The following MATR3 variants were observed in gnomAD, a reference collection of about 807,000 sequenced individuals.
MATR3 encodes matrin-3.
A neutral mutation model predicts 85.5 loss-of-function variants in MATR3; 4 were observed. That is an observed-to-expected ratio of 0.05 (90% CI 0.02 to 0.11). The LOEUF is 0.11. MATR3 is among the 10% of genes least tolerant of loss of function. MATR3 has a pLI of 1.00. For synonymous variants in MATR3, 336 were observed against 343.1 expected (o/e 0.98, Z 0.23); for missense variants, 685 against 1,016.1 (o/e 0.67, Z 4.43).
chr5:139,323,530 C>T (rs1303493251), intron 12 of MATR3, among the ~76,000 whole-genome samples: 2 of 152,110 alleles, frequency 1.3e-5, no homozygotes, highest in African/African-American at 4.8e-5. Context: ...AAACAAAGGA[C>T]CCACATTGAG....
At chr5:139,321,246 T>C (rs906173747) in intron 9 of MATR3, among the ~76,000 whole-genome samples, 2 of 151,850 alleles carry the variant, frequency 1.3e-5, no homozygotes, top group Non-Finnish European at 2.9e-5. Context: ...GCCTCCTGGG[T>C]TCAAGCAGTT....
chr5:139,286,269 G>T (rs1005225064), intron 3 of MATR3, among the ~76,000 whole-genome samples: 2 of 152,102 alleles, frequency 1.3e-5, no homozygotes, highest in African/African-American at 2.4e-5. Context: ...CAACTCTGCT[G>T]CAGACAGCAT....
At chr5:139,325,686 C>T in intron 13 of MATR3, 24 bp downstream of exon 13, 1 of 1,575,590 alleles carries the variant, frequency 6.3e-7, no homozygotes, top group Non-Finnish European at 8.7e-7. Context: ...CTTTGTTCTT[C>T]ACCTTCCTCA....
At chr5:139,281,772 GT>G (rs1753538178) in intron 3 of MATR3, among the ~76,000 whole-genome samples, 1 of 152,166 alleles carries the variant, frequency 6.6e-6, no homozygotes, top group Non-Finnish European at 1.5e-5. Flanking sequence ...GTAAACACAA[GT>G]GCCTCTTTTC....
intron 1 of MATR3, among the ~76,000 whole-genome samples, chr5:139,299,536 A>G (rs1410104884): frequency 6.6e-6 from 1 of 152,130 alleles, no homozygotes; most frequent in Non-Finnish European, 1.5e-5. Context: ...TTAGTCGGGT[A>G]TAGTGGTGCA....
chr5:139,305,483 C>T (rs559840655), intron 1 of MATR3, among the ~76,000 whole-genome samples: 7 of 152,206 alleles, frequency 4.6e-5, no homozygotes, highest in African/African-American at 1.4e-4. Context: ...AATTAATAAC[C>T]CTGATACTTC....
chr5:139,289,672 C>T (rs1753811210), upstream of MATR3, among the ~76,000 whole-genome samples: 1 of 152,210 alleles, frequency 6.6e-6, no homozygotes, highest in Non-Finnish European at 1.5e-5. Flanking sequence ...TATGGATTAT[C>T]CCATCTCCTT....
intron 5 of MATR3, 22 bp from the exon 6 acceptor site, chr5:139,317,030 GA>G: frequency 6.2e-7 from 1 of 1,607,878 alleles, no homozygotes; most frequent in South Asian, 1.1e-5. Context: ...TTACAAGACT[GA>G]AAACTTTCTC....
Position 139,322,783 on chromosome 5 carries a change from A to T in MATR3, c.1964A>T (p.Glu655Val). 6.2e-7 allele frequency: 1 copy of T among 1,614,220 alleles called. No homozygotes were observed. The highest frequency in any genetic ancestry group is 1.1e-5 in the South Asian group (1 of 91,086). Residue 655 changes from glutamate to valine, a missense_variant, in exon 12 of 15, where the codon GAA becomes GTA. Transcript: ENST00000394805. Reference protein sequence around the residue: ...EQEPNMLLESEDELLVDEEEA... With the variant: ...EQEPNMLLESVDELLVDEEEA... ...GAACCTAATATGCTTCTTGAATCTG[A>T]AGATGAGCTACTTGTAGATGAAGAA...
At chr5:139,286,776 G>A (rs761780115) in intron 3 of MATR3, among the ~76,000 whole-genome samples, 2 of 151,600 alleles carry the variant, frequency 1.3e-5, no homozygotes, top group Non-Finnish European at 2.9e-5. Flanking sequence ...CCTGGGAGGC[G>A]GAGGTTGCAG....
At chr5:139,314,397 C>T (rs1415770727) in intron 2 of MATR3, 3 of 387,724 alleles carry the variant, frequency 7.7e-6, no homozygotes, top group African/African-American at 6.2e-5. Flanking sequence ...TACTCTTGAT[C>T]TTTATTAACT....
At chr5:139,319,095 T>C (rs1755407497) in intron 8 of MATR3, 62 bp downstream of exon 8, 2 of 1,545,600 alleles carry the variant, frequency 1.3e-6, no homozygotes, top group Non-Finnish European at 1.8e-6. Context: ...AGTTATTAAC[T>C]GTGGTTATTT....
chr5:139,329,670 C>T lies in MATR3; in HGVS notation c.*275C>T, dbSNP rs187985845. On this transcript the variant is annotated 3_prime_UTR_variant, in exon 15 of 15. Transcript: ENST00000394805. ...CCTAAGCTACTTAAGACAACTTGCA[C>T]CACTAAGAAAAAAATGTAGAACCAT... 2,529 of 490,618 alleles carry T rather than the reference C, an allele frequency of 5.2e-3. 10 individuals carry two copies. Among genetic ancestry groups the T allele is most frequent in the Middle Eastern group, 0.013 (21 of 1,646 alleles). The allele number at this position is 490,618 out of a possible 1,614,324, so 30.4% of individuals were successfully genotyped here. A position where few individuals can be genotyped will look rare whatever the true frequency, so the allele number is the denominator to read the frequency against.
chr5:139,329,911 TG>T lies in MATR3; in HGVS notation c.*517del. ...ATTAACGTGAGATTGGCAATTGAAA[TG>T]CAGGTGCAGTTTTCTGTTAATGTCA... is the stretch of plus-strand genomic sequence containing the variant. On this transcript the variant is annotated 3_prime_UTR_variant, in exon 15 of 15. Transcript: ENST00000394805. The T allele has an allele frequency of 2.2e-6, 1 of 454,564 alleles. No individual in the cohort carries two copies. The highest frequency in any genetic ancestry group is 4.4e-6 in the Non-Finnish European group (1 of 226,782). The allele number at this position is 454,564 out of a possible 1,614,324, so 28.2% of individuals were successfully genotyped here.
In MATR3 at chr5:139,330,017, T is replaced by G. The variant is rs1361570601; in HGVS notation, c.*622T>G. The G allele has an allele frequency of 2.2e-6, 1 of 453,636 alleles. No homozygotes were observed. The highest frequency in any genetic ancestry group is 2.0e-5 in the African/African-American group (1 of 49,982). The allele number at this position is 453,636 out of a possible 1,614,324, so 28.1% of individuals were successfully genotyped here. A position where few individuals can be genotyped will look rare whatever the true frequency, so the allele number is the denominator to read the frequency against. On this transcript the variant is annotated 3_prime_UTR_variant, in exon 15 of 15. Coordinates refer to ENST00000394805, the MANE Select transcript of MATR3 (RefSeq NM_018834.6). ...TTTTTTCCCTGAGTTCCTGCTAGAT[T>G]TCGTATTCTAGTAGTCAATGTATTT...
chr5:139,315,980 T>C (rs1485754457), intron 4 of MATR3, 96 bp from the exon 5 acceptor site: 2 of 940,116 alleles, frequency 2.1e-6, no homozygotes, highest in Admixed American at 1.7e-5. Context: ...ATTGAAGTGG[T>C]TGTGGTCATA....
intron 3 of MATR3, chr5:139,279,850 C>T (rs1157048708): frequency 6.6e-6 from 1 of 152,212 alleles, no homozygotes; most frequent in East Asian, 1.9e-4. Context: ...CCATCCCTCA[C>T]TTTTCTGGAG....
chr5:139,307,682 T>G lies in MATR3; in HGVS notation c.267T>G (p.Ile89Met). 1 of 1,614,168 alleles carries G rather than the reference T, an allele frequency of 6.2e-7. No homozygotes were observed. The highest frequency in any genetic ancestry group is 8.5e-7 in the Non-Finnish European group (1 of 1,180,016). Residue 89 changes from isoleucine (I) to methionine (M), a missense_variant, in exon 2 of 15, where the codon ATT (isoleucine) becomes ATG (methionine). Physicochemically the swap from Ile to Met is conservative, Grantham distance 10 (BLOSUM62 1). Around this residue, in one of 9 missense-constraint regions of MATR3, gnomAD observed 57 missense variants for 68.6 expected, o/e 0.83. Transcript: ENST00000394805. The surrounding 1 kb of genome is among the most constrained non-coding windows in gnomAD (Gnocchi z 4.4). ...ATAATTTGCAGTCTATATTTAACAT[T>G]GGAAGTAGAGGTCCACTCCCTTTAT... ...SSHNLQSIFN[I>M]GSRGPLPLSS...
rs1429942612 is a variant in MATR3, at chr5:139,321,928, G to A, written c.1633G>A (p.Ala545Thr). 6.2e-7 allele frequency: 1 copy of A among 1,613,936 alleles called. No homozygotes were observed. Residue 545 changes from alanine to threonine, a missense_variant, in exon 10 of 15, where the codon GCA becomes ACA. Ala to Thr is a moderately conservative substitution (Grantham distance 58). Transcript: ENST00000394805. The part of the protein sequence containing the change: ...AFIEMETRED[A>T]MAMVDHCLKK... ...TATTGAGATGGAGACAAGAGAAGAT[G>A]CAATGGCAATGGTTGACCATTGTTT...
Sources: gnomAD v4.1 joint callset for allele counts (sites outside exome capture counted in the v4.1 genomes callset) on GRCh38, gnomAD v4.1.1 for gene constraint, gnomAD v4.1.1 regional missense constraint, Gnocchi (gnomAD v3.1) non-coding constraint, MANE v1.5 for transcripts, NCBI Gene and HGNC (gene_info 2026-07-23, HGNC 2026-07-21) for gene names.